BRINP2: variants seen among roughly 807,000 people sequenced by gnomAD.
BRINP2 encodes BMP/retinoic acid-inducible neural-specific protein 2.
Under a neutral mutation model 69.2 loss-of-function variants are expected in BRINP2, and 21 were observed. That is an observed-to-expected ratio of 0.30 (90% CI 0.22 to 0.44). BRINP2 has a LOEUF of 0.44. Among genes scored for constraint, BRINP2 ranks in the 20% least tolerant of loss-of-function variants. The pLI, the probability that BRINP2 is intolerant of heterozygous loss-of-function variation, is 1.00. For missense variants in BRINP2, 877 were observed against 986.0 expected, an observed-to-expected ratio of 0.89 and a Z score of 1.48; for synonymous variants, 380 against 394.1, an observed-to-expected ratio of 0.96 and a Z score of 0.42.
chr1:177,235,259 T>C (rs888519420), intron 2 of BRINP2, among the ~76,000 whole-genome samples: 11 of 152,154 alleles, frequency 7.2e-5, no homozygotes, highest in East Asian at 1.9e-4. Context: ...CACTTGTCTA[T>C]ACTAAGTATT....
intron 4 of BRINP2, among the ~76,000 whole-genome samples, chr1:177,263,264 C>T (rs967424049): frequency 3.9e-5 from 6 of 151,986 alleles, no homozygotes; most frequent in Admixed American, 6.5e-5. Flanking sequence ...AATACTATGC[C>T]CTGGAACCTA....
intron 1 of BRINP2, among the ~76,000 whole-genome samples, chr1:177,221,281 G>A (rs1649524739): frequency 6.6e-6 from 1 of 152,140 alleles, no homozygotes. Context: ...TTGATGTTTG[G>A]TACACAGTAA....
chr1:177,176,095 G>A (rs752346943), intron 1 of BRINP2, among the ~76,000 whole-genome samples: 4 of 152,176 alleles, frequency 2.6e-5, no homozygotes, highest in Non-Finnish European at 5.9e-5. Flanking sequence ...AAGTTGAGTA[G>A]CATCAACACA....
intron 2 of BRINP2, among the ~76,000 whole-genome samples, chr1:177,252,880 T>G (rs780749639): frequency 3.9e-5 from 6 of 152,186 alleles, no homozygotes; most frequent in Admixed American, 6.5e-5. Context: ...GGTTCATCCA[T>G]GTTGCTGCAG....
chr1:177,212,111 G>A (rs1437983769), intron 1 of BRINP2, among the ~76,000 whole-genome samples: 1 of 148,438 alleles, frequency 6.7e-6, no homozygotes, highest in African/African-American at 2.5e-5. Flanking sequence ...ATAGATAGAT[G>A]ATAGATAAAA....
At chr1:177,229,675 C>G (rs1649802305) in intron 1 of BRINP2, 126 bp from the exon 2 acceptor site, 1 of 627,888 alleles carries the variant, frequency 1.6e-6, no homozygotes, top group Non-Finnish European at 2.5e-6. Context: ...AGCTAAATGC[C>G]GAGAACGAAG....
At chr1:177,246,979 TAG>T (rs1328339061) in intron 2 of BRINP2, among the ~76,000 whole-genome samples, 4 of 152,200 alleles carry the variant, frequency 2.6e-5, no homozygotes, top group Non-Finnish European at 4.4e-5. Context: ...TCCAGCTTGA[TAG>T]AGAATGTGAA....
At chr1:177,182,276 A>G (rs944938373) in intron 1 of BRINP2, among the ~76,000 whole-genome samples, 6 of 151,464 alleles carry the variant, frequency 4.0e-5, no homozygotes, top group African/African-American at 1.5e-4. Flanking sequence ...GGCCCTTCAC[A>G]CCTCTCAGTA....
chr1:177,267,160 T>C (rs539867986), intron 4 of BRINP2, among the ~76,000 whole-genome samples: 4 of 152,220 alleles, frequency 2.6e-5, no homozygotes, highest in Non-Finnish European at 5.9e-5. Context: ...CTACTCAAGG[T>C]AGCTTGAATA....
intron 4 of BRINP2, among the ~76,000 whole-genome samples, chr1:177,260,506 A>G (rs1650909247): frequency 6.6e-6 from 1 of 152,236 alleles, no homozygotes; most frequent in Non-Finnish European, 1.5e-5. Flanking sequence ...GCTATCAAAT[A>G]GCGTCACATG....
At chr1:177,269,857 C>A (rs1259450951) in intron 4 of BRINP2, among the ~76,000 whole-genome samples, 2 of 152,150 alleles carry the variant, frequency 1.3e-5, no homozygotes, top group Non-Finnish European at 2.9e-5. Flanking sequence ...GCAGGATGGT[C>A]TCTGTCAACA....
Position 177,281,172 on chromosome 1 carries a change from C to T in BRINP2, c.1996C>T (p.Leu666=). 1 of 1,614,222 alleles carries T rather than the reference C, an allele frequency of 6.2e-7. No individual in the cohort carries two copies. The highest frequency in any genetic ancestry group is 8.5e-7 in the Non-Finnish European group (1 of 1,180,040). ...SSNETIYYEP[L]EMTDPSKNLG... ...CAATGAGACAATCTACTATGAGCCC[C>T]TGGAGATGACTGATCCCTCTAAGAA... The change falls in exon 8 of 8, where the codon CTG becomes TTG. Residue 666 remains leucine, a synonymous_variant. Transcript: ENST00000361539.
At chr1:177,173,647 C>T (rs2056936) in intron 1 of BRINP2, among the ~76,000 whole-genome samples, 7 of 152,174 alleles carry the variant, frequency 4.6e-5, no homozygotes, top group Middle Eastern at 3.4e-3. Flanking sequence ...TTATCTTCTA[C>T]GTGCTCCTTT....
chr1:177,281,143 G>C lies in BRINP2; in HGVS notation c.1967G>C (p.Ser656Thr). 1 of 1,614,230 alleles carries C rather than the reference G, an allele frequency of 6.2e-7. No homozygotes were observed. Among genetic ancestry groups the C allele is most frequent in the Non-Finnish European group, 8.5e-7 (1 of 1,180,044 alleles). ...LRSRIKSLDD[S>T]SNETIYYEPL... is the part of the protein sequence containing the mutation. Reference sequence around the variant, plus strand: ...AGCCGAATCAAGTCCCTGGATGACAGCTCCAATGAGACAATCTACTATGAG... The same window carrying C: ...AGCCGAATCAAGTCCCTGGATGACACCTCCAATGAGACAATCTACTATGAG... The change falls in exon 8 of 8, where the codon AGC becomes ACC. Residue 656 changes from serine to threonine, a missense_variant. Ser to Thr is a moderately conservative substitution (Grantham distance 58). Transcript: ENST00000361539.
At chr1:177,206,623 C>T (rs1303683667) in intron 1 of BRINP2, among the ~76,000 whole-genome samples, 1 of 152,136 alleles carries the variant, frequency 6.6e-6, no homozygotes, top group Non-Finnish European at 1.5e-5. Context: ...TACTCTTGCC[C>T]CACTCACACA....
At chr1:177,213,409 A>G (rs545777350) in intron 1 of BRINP2, among the ~76,000 whole-genome samples, 1 of 152,256 alleles carries the variant, frequency 6.6e-6, no homozygotes, top group African/African-American at 2.4e-5. Flanking sequence ...TGGGGGCAAA[A>G]TCACCCCTTC....
chr1:177,217,497 G>T (rs1030962483), intron 1 of BRINP2, among the ~76,000 whole-genome samples: 1 of 151,500 alleles, frequency 6.6e-6, no homozygotes, highest in African/African-American at 2.4e-5. Context: ...TCCTTTTATC[G>T]ATATCTTTGT....
chr1:177,208,824 C>T (rs570935152), intron 1 of BRINP2, among the ~76,000 whole-genome samples: 11 of 152,282 alleles, frequency 7.2e-5, no homozygotes, highest in East Asian at 3.9e-4. Flanking sequence ...TTTATCAAAA[C>T]GCATTACATA....
At chr1:177,198,021 G>T (rs1648794580) in intron 1 of BRINP2, among the ~76,000 whole-genome samples, 1 of 152,168 alleles carries the variant, frequency 6.6e-6, no homozygotes, top group African/African-American at 2.4e-5. Context: ...ATATGAATAT[G>T]GTGATTTGCT....
Sources: gnomAD v4.1 joint callset for allele counts (sites outside exome capture counted in the v4.1 genomes callset) on GRCh38, gnomAD v4.1.1 for gene constraint, MANE v1.5 for transcripts, NCBI Gene and HGNC (gene_info 2026-07-23, HGNC 2026-07-21) for gene names.